Variants in INPP5A observed in about 807,000 individuals in gnomAD.
The protein encoded by INPP5A is 43 kDa inositol polyphosphate 5-phophatase.
A neutral mutation model predicts 65.2 loss-of-function variants in INPP5A; 14 were observed. The observed-to-expected ratio is 0.21, with a 90% CI of 0.14 to 0.34. INPP5A has a LOEUF of 0.34. INPP5A is among the 10% of genes least tolerant of loss of function. INPP5A has a pLI of 1.00. For missense variants in INPP5A, 431 were observed against 545.6 expected (o/e 0.79, Z 2.09); for synonymous variants, 207 against 208.3 (o/e 0.99, Z 0.05).
At chr10:132,751,805 G>A (rs1343029727) in intron 11 of INPP5A, among the ~76,000 whole-genome samples, 4 of 148,562 alleles carry the variant, frequency 2.7e-5, no homozygotes, top group Admixed American at 6.6e-5. Context: ...CCCAGGAGGT[G>A]TCTGGGTGGA....
chr10:132,556,089 G>A (rs2071121768), intron 1 of INPP5A, among the ~76,000 whole-genome samples: 2 of 152,152 alleles, frequency 1.3e-5, no homozygotes, highest in South Asian at 2.1e-4. Context: ...GTCCCAGCCT[G>A]TGGGCTCCCT....
intron 2 of INPP5A, among the ~76,000 whole-genome samples, chr10:132,632,800 C>T (rs1028186314): frequency 2.0e-5 from 3 of 152,264 alleles, no homozygotes; most frequent in Non-Finnish European, 2.9e-5. Context: ...ATGATCTTGA[C>T]TATTTAGCTC....
In INPP5A at chr10:132,782,066, C is replaced by T. The variant is rs755846845; in HGVS notation, c.*37C>T. 4 of 1,557,068 alleles carry T rather than the reference C, an allele frequency of 2.6e-6. No individual in the cohort carries two copies. The highest frequency in any genetic ancestry group is 2.6e-6 in the Non-Finnish European group (3 of 1,147,800). On this transcript the variant is annotated 3_prime_UTR_variant, in exon 16 of 16. Coordinates refer to ENST00000368594, the MANE Select transcript of INPP5A (RefSeq NM_005539.5). This position sits in a 1 kb window ranked among gnomAD's most constrained non-coding sequence, Gnocchi z 4.4. The stretch of plus-strand genomic sequence containing the variant: ...GAGATGCCAGCGCCACGAGAGGACA[C>T]TTCGTGAGCCTCCCTGTAGCCGTGG...
chr10:132,719,545 G>T (rs1424927749), intron 8 of INPP5A, among the ~76,000 whole-genome samples: 4 of 117,580 alleles, frequency 3.4e-5, no homozygotes, highest in East Asian at 5.4e-4. Context: ...GTTCTGTGGT[G>T]CCTGGGTTCT....
intron 2 of INPP5A, among the ~76,000 whole-genome samples, chr10:132,630,317 AG>A (rs2072248440): frequency 6.7e-6 from 1 of 150,348 alleles, no homozygotes; most frequent in Non-Finnish European, 1.5e-5. Context: ...TGTGTCTGTG[AG>A]GGGAGGGTGT....
chr10:132,667,241 G>C (rs916026171), intron 4 of INPP5A, among the ~76,000 whole-genome samples: 1 of 152,196 alleles, frequency 6.6e-6, no homozygotes, highest in Admixed American at 6.5e-5. Context: ...GTTGGAGCTC[G>C]GCTGTTTAAT....
rs1450123976 is a variant in INPP5A, at chr10:132,550,702, A to T, written c.75+12531A>T. Among the ~76,000 whole-genome samples, 1 of 152,232 alleles carries T rather than the reference A, an allele frequency of 6.6e-6. No individual in the cohort carries two copies. The highest frequency in any genetic ancestry group is 1.5e-5 in the Non-Finnish European group (1 of 68,028). On this transcript the variant is annotated intron_variant, in intron 1 of 15. Transcript: ENST00000368594. The surrounding 1 kb of genome is among the most constrained non-coding windows in gnomAD (Gnocchi z 4.2). ...TGTCTGGCTATTTCACTATTAAAAC[A>T]AGTGGAAACACTAGTTTGGTCCCGC...
intron 1 of INPP5A, among the ~76,000 whole-genome samples, chr10:132,552,013 T>C (rs1409981475): frequency 1.3e-5 from 2 of 152,248 alleles, no homozygotes; most frequent in Non-Finnish European, 2.9e-5. Context: ...GGAGAGCTTC[T>C]GTGTGAGGCT....
intron 1 of INPP5A, among the ~76,000 whole-genome samples, chr10:132,567,957 C>T (rs1033748488): frequency 3.3e-5 from 5 of 152,066 alleles, no homozygotes; most frequent in African/African-American, 1.2e-4. Context: ...CTTTAGGAGG[C>T]CGAGGCGGGC....
chr10:132,630,597 C>A (rs575928525), intron 2 of INPP5A, among the ~76,000 whole-genome samples: 7 of 149,394 alleles, frequency 4.7e-5, no homozygotes, highest in African/African-American at 1.8e-4. Flanking sequence ...GAGGGGAAGA[C>A]GTCCATGAGG....
At chr10:132,567,614 G>T (rs1367643976) in intron 1 of INPP5A, among the ~76,000 whole-genome samples, 1 of 152,176 alleles carries the variant, frequency 6.6e-6, no homozygotes, top group African/African-American at 2.4e-5. Context: ...GGTTTTACCA[G>T]TTTTTCCACC....
chr10:132,662,738 C>T (rs2072752366), intron 4 of INPP5A, among the ~76,000 whole-genome samples: 1 of 152,148 alleles, frequency 6.6e-6, no homozygotes, highest in Non-Finnish European at 1.5e-5. Flanking sequence ...GCCCACCCCA[C>T]CCGCACTCCA....
At chr10:132,607,602 G>C (rs751630963) in intron 1 of INPP5A, among the ~76,000 whole-genome samples, 1 of 152,250 alleles carries the variant, frequency 6.6e-6, no homozygotes, top group Non-Finnish European at 1.5e-5. Context: ...TGGGAGGCTG[G>C]AGGCTGGAGC....
Position 132,706,183 on chromosome 10 carries a change from A to G in INPP5A, c.475-2130A>G, listed in dbSNP as rs1257066437. ...ATGTCATTAAGGAGTTCATCTAAAC[A>G]TAGTCAAGACGGACAAAGATTTGTG... is the stretch of plus-strand genomic sequence containing the variant. On this transcript the variant is annotated intron_variant, in intron 6 of 15. Coordinates refer to ENST00000368594, the MANE Select transcript of INPP5A (RefSeq NM_005539.5). The surrounding 1 kb of genome is among the most constrained non-coding windows in gnomAD (Gnocchi z 4.7). Among the ~76,000 whole-genome samples the G allele has an allele frequency of 1.3e-5, 2 of 152,262 alleles. No individual in the cohort carries two copies. Among genetic ancestry groups the G allele is most frequent in the Non-Finnish European group, 1.5e-5 (1 of 68,042 alleles).
At chr10:132,599,224 G>A (rs150124851) in intron 1 of INPP5A, among the ~76,000 whole-genome samples, 5 of 152,224 alleles carry the variant, frequency 3.3e-5, no homozygotes, top group South Asian at 2.1e-4. Context: ...GTATGAGCCT[G>A]TAAAATCAAA....
At position 132,637,008 on chromosome 10, in the gene INPP5A, C is replaced by G; in HGVS notation, c.118-8860C>G. Among the ~76,000 whole-genome samples, 1 of 152,186 alleles carries G rather than the reference C, an allele frequency of 6.6e-6. No individual in the cohort carries two copies. The highest frequency in any genetic ancestry group is 1.9e-4 in the East Asian group (1 of 5,202). On this transcript the variant is annotated intron_variant, in intron 2 of 15. Transcript: ENST00000368594. This position sits in a 1 kb window ranked among gnomAD's most constrained non-coding sequence, Gnocchi z 4.1. ...TCTCAGCTCACTGAAACTTCCGCCT[C>G]CCGGGTTCAAGCGATTCTCCTGCCT...
chr10:132,728,527 C>T (rs1007298260), intron 9 of INPP5A, among the ~76,000 whole-genome samples: 8 of 152,234 alleles, frequency 5.3e-5, no homozygotes, highest in East Asian at 1.9e-4. Flanking sequence ...GGGCTGGAAG[C>T]GGCATTTCCG....
intron 2 of INPP5A, among the ~76,000 whole-genome samples, chr10:132,613,013 G>A (rs1223415498): frequency 6.6e-6 from 1 of 152,178 alleles, no homozygotes; most frequent in Admixed American, 6.5e-5. Flanking sequence ...GGCAGTCTTG[G>A]GGAGCAGGCG....
At chr10:132,652,449 G>A (rs79105817) in intron 4 of INPP5A, among the ~76,000 whole-genome samples, 2,552 of 152,336 alleles carry the variant, frequency 0.017, 32 homozygotes, top group South Asian at 0.037. Flanking sequence ...GAAACTTACA[G>A]AAAGATCCAA....
Sources: allele counts gnomAD v4.1 joint callset (sites outside exome capture counted in the v4.1 genomes callset), GRCh38; gene constraint gnomAD v4.1.1; non-coding constraint Gnocchi (gnomAD v3.1); transcripts MANE v1.5; gene names NCBI Gene and HGNC (gene_info 2026-07-23, HGNC 2026-07-21).